CDH22: variants seen among roughly 807,000 people sequenced by gnomAD.
CDH22 encodes the protein cadherin-22.
A neutral mutation model predicts 58.4 loss-of-function variants in CDH22; 30 were observed. That is an observed-to-expected ratio of 0.51 (90% CI 0.38 to 0.70). The LOEUF is 0.70. Among genes scored for constraint, CDH22 ranks in the 30% least tolerant of loss-of-function variants. CDH22 has a pLI of 0.00. For missense variants in CDH22, 1,014 were observed against 1,233.9 expected, an observed-to-expected ratio of 0.82 and a Z score of 2.67; for synonymous variants, 513 against 558.2, an observed-to-expected ratio of 0.92 and a Z score of 1.14.
At chr20:46,259,494 A>C (rs17382396) in intron 1 of CDH22, among the ~76,000 whole-genome samples, 3,644 of 152,338 alleles carry the variant, frequency 0.024, 68 homozygotes, top group Non-Finnish European at 0.034. Context: ...AATTAAATGC[A>C]CATGCTCGCA....
chr20:46,275,946 C>T (rs1049027457), intron 1 of CDH22, among the ~76,000 whole-genome samples: 1 of 150,758 alleles, frequency 6.6e-6, no homozygotes, highest in Non-Finnish European at 1.5e-5. Context: ...TAGAAATTGG[C>T]CAGGTGGGGG....
intron 8 of CDH22, among the ~76,000 whole-genome samples, chr20:46,199,198 G>T (rs981484036): frequency 1.3e-5 from 2 of 152,224 alleles, no homozygotes; most frequent in Non-Finnish European, 2.9e-5. Context: ...TTGCAACCCT[G>T]CTGGATCTTT....
chr20:46,233,195 G>A (rs2086231351), intron 3 of CDH22, among the ~76,000 whole-genome samples: 1 of 152,176 alleles, frequency 6.6e-6, no homozygotes, highest in African/African-American at 2.4e-5. Context: ...TGAGGGGCCT[G>A]CTGCATTGCA....
At chr20:46,277,623 T>A (rs577334708) in intron 1 of CDH22, among the ~76,000 whole-genome samples, 11 of 142,782 alleles carry the variant, frequency 7.7e-5, no homozygotes. Flanking sequence ...CAGAAGAGAG[T>A]GGGGTGGAGG....
Position 46,174,302 on chromosome 20 carries a change from T to A in CDH22, c.*204A>T. ...TCAGTTTTAATGCCGTTGGTCAGAA[T>A]CCCGCACCTCTGGGCTCCAAAGCTG... On this transcript the variant is annotated 3_prime_UTR_variant, in exon 12 of 12. Transcript: ENST00000537909. This position sits in a 1 kb window ranked among gnomAD's most constrained non-coding sequence, Gnocchi z 4.4. 1.9e-6 allele frequency: 1 copy of A among 513,078 alleles called. No individual in the cohort carries two copies. The highest frequency in any genetic ancestry group is 4.2e-5 in the Admixed American group (1 of 23,706). 31.8% of individuals were successfully genotyped at this position (513,078 alleles called of 1,614,324 possible).
At chr20:46,181,655 C>T (rs1241334236) in intron 10 of CDH22, among the ~76,000 whole-genome samples, 2 of 147,530 alleles carry the variant, frequency 1.4e-5, no homozygotes, top group Non-Finnish European at 3.0e-5. Flanking sequence ...TCCCTCCCTC[C>T]TTTCTCTCTT....
intron 1 of CDH22, among the ~76,000 whole-genome samples, chr20:46,269,354 C>G (rs539996284): frequency 1.3e-5 from 2 of 152,202 alleles, no homozygotes; most frequent in African/African-American, 4.8e-5. Context: ...ATGCACTTCT[C>G]TAGTGCACAG....
chr20:46,300,413 A>C lies in CDH22; in HGVS notation c.-400+7842T>G, dbSNP rs1163900046. Among the ~76,000 whole-genome samples the C allele has an allele frequency of 2.0e-5, 3 of 151,956 alleles. No homozygotes were observed. On this transcript the variant is annotated intron_variant, in intron 1 of 11. Transcript: ENST00000537909. This position sits in a 1 kb window ranked among gnomAD's most constrained non-coding sequence, Gnocchi z 4.4. ...CACCTGCTTCTGCTTCCCATCCATC[A>C]GCCTGCCCGGGCCCATCCACCTTAT...
At chr20:46,199,903 C>G (rs1336503307) in intron 7 of CDH22, among the ~76,000 whole-genome samples, 1 of 151,790 alleles carries the variant, frequency 6.6e-6, no homozygotes, top group African/African-American at 2.4e-5. Flanking sequence ...CTTTTCTTTT[C>G]TTTTCTTCTT....
In CDH22 at chr20:46,293,259, T is replaced by C. The variant is rs543293945; in HGVS notation, c.-400+14996A>G. 3.9e-5 allele frequency among the ~76,000 whole-genome samples: 6 copies of C among 152,308 alleles called. No individual in the cohort carries two copies. In the East Asian group the frequency reaches 1.2e-3, roughly 29 times the overall value. On this transcript the variant is annotated intron_variant, in intron 1 of 11. Transcript: ENST00000537909. Reference sequence around the variant, plus strand: ...ACATTCTGTGGACTCAGAGAGTACCTTGGACAGCAACCAGACACTTTATAA... The same window carrying C: ...ACATTCTGTGGACTCAGAGAGTACCCTGGACAGCAACCAGACACTTTATAA...
chr20:46,279,051 C>T (rs1359831336), intron 1 of CDH22, among the ~76,000 whole-genome samples: 4 of 152,200 alleles, frequency 2.6e-5, no homozygotes, highest in Non-Finnish European at 4.4e-5. Flanking sequence ...TCCAACCCAG[C>T]TATGTGGCTC....
chr20:46,225,800 T>C (rs1025319529), intron 4 of CDH22, among the ~76,000 whole-genome samples: 16 of 152,296 alleles, frequency 1.1e-4, no homozygotes, highest in Middle Eastern at 3.4e-3. Flanking sequence ...CTTTTTTTTT[T>C]CTTTTTAGCA....
chr20:46,175,076 C>G lies in CDH22; in HGVS notation c.1917G>C (p.Val639=), dbSNP rs1228500708. The change falls in exon 12 of 12, where the codon GTG becomes GTC. Residue 639 remains valine (V), a splice_region_variant and synonymous_variant. Coordinates refer to ENST00000537909, the MANE Select transcript of CDH22 (RefSeq NM_021248.3). ...TGAGGGTGAGGATCAGCAGCACCAG[C>G]ACTGCGAGGGGGACAGAGGGGGCAA... ...ALLVCVLILV[V]LVLLILTLRR... 1 of 1,593,884 alleles carries G rather than the reference C, an allele frequency of 6.3e-7. No homozygotes were observed. The highest frequency in any genetic ancestry group is 8.5e-7 in the Non-Finnish European group (1 of 1,172,870).
At chr20:46,276,280 C>G (rs2086516644) in intron 1 of CDH22, among the ~76,000 whole-genome samples, 1 of 152,160 alleles carries the variant, frequency 6.6e-6, no homozygotes, top group South Asian at 2.1e-4. Context: ...TTGGTGATCC[C>G]TGAAGCGTTT....
At chr20:46,227,337 C>G (rs562844211) in intron 4 of CDH22, among the ~76,000 whole-genome samples, 171 bp downstream of exon 4, 1 of 152,202 alleles carries the variant, frequency 6.6e-6, no homozygotes, top group African/African-American at 2.4e-5. Flanking sequence ...GCCTGGCTGC[C>G]CCTCCCTCTC....
At chr20:46,277,574 G>A (rs1386242772) in intron 1 of CDH22, among the ~76,000 whole-genome samples, 1 of 152,170 alleles carries the variant, frequency 6.6e-6, no homozygotes, top group Non-Finnish European at 1.5e-5. Context: ...GATGGTGAAG[G>A]TGAGTGAAAA....
chr20:46,277,130 A>C (rs577599252), intron 1 of CDH22, among the ~76,000 whole-genome samples: 1 of 146,312 alleles, frequency 6.8e-6, no homozygotes, highest in South Asian at 2.2e-4. Flanking sequence ...CTCTAGTGAG[A>C]CTCCACCTCT....
chr20:46,248,261 G>A (rs1365955260), intron 2 of CDH22, among the ~76,000 whole-genome samples: 2 of 152,212 alleles, frequency 1.3e-5, no homozygotes, highest in Admixed American at 6.5e-5. Context: ...GGCAGATGAA[G>A]GCGTGAGTCA....
At chr20:46,196,327 C>T (rs532168375) in intron 8 of CDH22, among the ~76,000 whole-genome samples, 1 of 151,780 alleles carries the variant, frequency 6.6e-6, no homozygotes, top group Non-Finnish European at 1.5e-5. Context: ...CAGGCTGGAG[C>T]GCAGGGGCAT....
Sources: gnomAD v4.1 joint callset for allele counts (sites outside exome capture counted in the v4.1 genomes callset) on GRCh38, gnomAD v4.1.1 for gene constraint, Gnocchi (gnomAD v3.1) non-coding constraint, MANE v1.5 for transcripts, NCBI Gene and HGNC (gene_info 2026-07-23, HGNC 2026-07-21) for gene names.